Variants in SNX24 observed in about 807,000 individuals in gnomAD.
SNX24 encodes sorting nexin-24.
Under a neutral mutation model 28.7 loss-of-function variants are expected in SNX24, and 22 were observed. The observed-to-expected ratio is 0.77, with a 90% CI of 0.55 to 1.10. The LOEUF is 1.10. Ranked by LOEUF, SNX24 falls within the 50% of genes least tolerant of loss-of-function variation. The probability of loss-of-function intolerance (pLI) is 0.00; values close to 1 mark genes in which losing one functional copy is unlikely to be tolerated. For missense variants in SNX24, 221 were observed against 201.1 expected (o/e 1.10, Z -0.60); for synonymous variants, 69 against 71.5 (o/e 0.96, Z 0.18).
At chr5:122,884,257 T>TC (rs1554069246) in intron 1 of SNX24, among the ~76,000 whole-genome samples, 1 of 142,660 alleles carries the variant, frequency 7.0e-6, no homozygotes, top group African/African-American at 2.7e-5. Context: ...TTTTCTTTTT[T>TC]TTTTTTTTTT....
chr5:122,956,878 G>A (rs867877744), intron 3 of SNX24, among the ~76,000 whole-genome samples: 2 of 151,700 alleles, frequency 1.3e-5, no homozygotes, highest in Middle Eastern at 3.4e-3. Context: ...GTTTAATTGG[G>A]TGGTTTTTTT....
intron 3 of SNX24, among the ~76,000 whole-genome samples, chr5:122,952,171 T>C (rs1759972441): frequency 6.6e-6 from 1 of 152,188 alleles, no homozygotes. Context: ...ACACATTCTA[T>C]AATCGAACAC....
At chr5:122,916,012 G>A (rs1020083696) in intron 1 of SNX24, among the ~76,000 whole-genome samples, 1 of 152,208 alleles carries the variant, frequency 6.6e-6, no homozygotes, top group Non-Finnish European at 1.5e-5. Flanking sequence ...ATAGCATGGC[G>A]AAGATGATTC....
intron 1 of SNX24, among the ~76,000 whole-genome samples, chr5:122,855,281 GC>G (rs1755131775): frequency 6.6e-6 from 1 of 152,052 alleles, no homozygotes; most frequent in African/African-American, 2.4e-5. Flanking sequence ...TGTTGGCCAG[GC>G]TGGTCTCGAA....
At chr5:122,917,966 T>G (rs201926596) in intron 1 of SNX24, among the ~76,000 whole-genome samples, 6 of 151,938 alleles carry the variant, frequency 3.9e-5, no homozygotes, top group East Asian at 1.9e-4. Context: ...TGTAGTCCCA[T>G]CTACTCAGGA....
chr5:122,850,130 C>T (rs901991243), intron 1 of SNX24, among the ~76,000 whole-genome samples: 5 of 152,308 alleles, frequency 3.3e-5, no homozygotes, highest in East Asian at 1.9e-4. Context: ...TATCTTAGTT[C>T]AGGCTACTTT....
intron 5 of SNX24, among the ~76,000 whole-genome samples, chr5:123,021,110 C>CA (rs55745175): frequency 5.3e-5 from 8 of 151,752 alleles, no homozygotes; most frequent in South Asian, 2.1e-4. Context: ...CAGTTCCCCC[C>CA]CCGTCCCCAT....
chr5:122,960,849 G>T (rs373420816), intron 3 of SNX24, among the ~76,000 whole-genome samples: 2 of 151,896 alleles, frequency 1.3e-5, no homozygotes, highest in East Asian at 3.8e-4. Context: ...AAGGCTGCTA[G>T]GATTTTGAGT....
At chr5:122,927,770 C>T (rs1758766407) in intron 1 of SNX24, among the ~76,000 whole-genome samples, 1 of 152,158 alleles carries the variant, frequency 6.6e-6, no homozygotes, top group Non-Finnish European at 1.5e-5. Context: ...CATTCACACT[C>T]TAATAATGCC....
At chr5:122,969,143 T>C (rs1327647230) in intron 3 of SNX24, among the ~76,000 whole-genome samples, 1 of 152,226 alleles carries the variant, frequency 6.6e-6, no homozygotes, top group Non-Finnish European at 1.5e-5. Context: ...TCTTTTTGTT[T>C]ATAATTTATT....
Position 122,870,901 on chromosome 5 carries a change from A to G in SNX24, c.60+25208A>G, listed in dbSNP as rs114290944. Among the ~76,000 whole-genome samples, 1,260 of 152,288 alleles carry G rather than the reference A, an allele frequency of 8.3e-3. 17 individuals carry two copies. Among genetic ancestry groups the G allele is most frequent in the African/African-American group, 0.029 (1,194 of 41,550 alleles). On this transcript the variant is annotated intron_variant, in intron 1 of 6. Transcript: ENST00000261369. The stretch of plus-strand genomic sequence containing the variant: ...AAAGGAGGGTTTGGGCTTCTGGTGC[A>G]CGTCGTTGTCTGCTAAAACCATGGT...
chr5:122,989,925 A>G (rs899459202), intron 3 of SNX24, among the ~76,000 whole-genome samples: 1 of 152,168 alleles, frequency 6.6e-6, no homozygotes, highest in African/African-American at 2.4e-5. Flanking sequence ...AGCCATGTGT[A>G]GACAGCCCTA....
intron 1 of SNX24, among the ~76,000 whole-genome samples, chr5:122,854,108 G>A (rs1755059465): frequency 6.6e-6 from 1 of 151,868 alleles, no homozygotes; most frequent in Non-Finnish European, 1.5e-5. Flanking sequence ...AAAGTGGTAT[G>A]AGGCTGTCCC....
chr5:122,912,741 T>G (rs1422049542), intron 1 of SNX24, among the ~76,000 whole-genome samples: 1 of 151,958 alleles, frequency 6.6e-6, no homozygotes, highest in African/African-American at 2.4e-5. Context: ...TGGGTTTTTT[T>G]TTTTTTTTTT....
At chr5:122,990,078 A>G (rs1581840049) in intron 3 of SNX24, among the ~76,000 whole-genome samples, 3 of 152,144 alleles carry the variant, frequency 2.0e-5, no homozygotes, top group Admixed American at 1.3e-4. Context: ...TTCTTTATAG[A>G]TATGTTTTTT....
chr5:122,999,918 A>G lies in SNX24; in HGVS notation c.256A>G (p.Ile86Val), dbSNP rs763933234. 2.5e-6 allele frequency: 4 copies of G among 1,606,708 alleles called. No individual in the cohort carries two copies. The Admixed American group carries it at 6.7e-5, about 27-fold the overall frequency. Residue 86 changes from isoleucine (I) to valine (V), a missense_variant, in exon 4 of 7, where the codon ATT becomes GTT. Physicochemically the swap from Ile to Val is conservative, Grantham distance 29. Coordinates refer to ENST00000261369, the MANE Select transcript of SNX24 (RefSeq NM_014035.4). ...CTGTTTTCTGCTTTCACAGGCTGTC[A>G]TTTTAGAAAATGAAGAACTTCCCAA... The part of the protein sequence containing the change: ...QGLETYLQAV[I>V]LENEELPKLF...
chr5:122,959,131 G>A (rs1173254398), intron 3 of SNX24, among the ~76,000 whole-genome samples: 3 of 152,026 alleles, frequency 2.0e-5, no homozygotes, highest in Non-Finnish European at 4.4e-5. Context: ...GCTTTTCTGT[G>A]TCAGGAGATT....
intron 3 of SNX24, among the ~76,000 whole-genome samples, chr5:122,953,100 C>A (rs1212820104): frequency 1.4e-5 from 2 of 145,244 alleles, no homozygotes; most frequent in Non-Finnish European, 3.0e-5. Context: ...CCTTTCCTTT[C>A]CTTTCCTTTC....
At chr5:123,028,627 T>G (rs1400122595) in intron 5 of SNX24, 1 of 588,926 alleles carries the variant, frequency 1.7e-6, no homozygotes, top group Admixed American at 3.4e-5. Flanking sequence ...GCTAGATGAG[T>G]CCCCAAAACT....
Sources: gnomAD v4.1 joint callset for allele counts (sites outside exome capture counted in the v4.1 genomes callset) on GRCh38, gnomAD v4.1.1 for gene constraint, MANE v1.5 for transcripts, NCBI Gene and HGNC (gene_info 2026-07-23, HGNC 2026-07-21) for gene names.